PMS1: variants seen among roughly 807,000 people sequenced by gnomAD.
The protein encoded by PMS1 is PMS1 protein homolog 1.
In PMS1, 79 loss-of-function variants were observed where a neutral mutation model predicts 93.1. The observed-to-expected ratio is 0.85, with a 90% CI of 0.71 to 1.02. The LOEUF (loss-of-function observed/expected upper bound fraction) is 1.02. Ranked by LOEUF, PMS1 falls within the 50% of genes least tolerant of loss-of-function variation. PMS1 has a pLI of 0.00. For missense variants in PMS1, 1,064 were observed against 1,085.3 expected (o/e 0.98, Z 0.28); for synonymous variants, 335 against 363.4 (o/e 0.92, Z 0.89).
chr2:189,833,235 C>G (rs534237782), intron 5 of PMS1, among the ~76,000 whole-genome samples: 3 of 152,274 alleles, frequency 2.0e-5, no homozygotes, highest in Admixed American at 6.5e-5. Context: ...AAAGCTTGAG[C>G]TGGCTAGTAT....
chr2:189,829,136 C>G (rs933047235), intron 5 of PMS1, among the ~76,000 whole-genome samples: 12 of 152,156 alleles, frequency 7.9e-5, no homozygotes, highest in Non-Finnish European at 1.6e-4. Context: ...TTCATCCTCC[C>G]TTACTGTAGC....
At chr2:189,837,356 G>A (rs781396129) in intron 5 of PMS1, among the ~76,000 whole-genome samples, 59 of 151,850 alleles carry the variant, frequency 3.9e-4, no homozygotes, top group South Asian at 2.1e-4. Flanking sequence ...ATTGAACTCC[G>A]GACCTCAAGT....
chr2:189,819,242 T>C (rs2051604149), intron 5 of PMS1, among the ~76,000 whole-genome samples: 1 of 152,240 alleles, frequency 6.6e-6, no homozygotes, highest in Non-Finnish European at 1.5e-5. Context: ...GGTTGAATAG[T>C]ATTCCACTGT....
chr2:189,799,374 T>C (rs1340965620), intron 3 of PMS1, among the ~76,000 whole-genome samples: 1 of 152,172 alleles, frequency 6.6e-6, no homozygotes, highest in Admixed American at 6.5e-5. Flanking sequence ...CAATGAATTT[T>C]TACATATGTA....
intron 3 of PMS1, among the ~76,000 whole-genome samples, chr2:189,796,836 T>A (rs1485234444): frequency 6.6e-6 from 1 of 152,002 alleles, no homozygotes; most frequent in African/African-American, 2.4e-5. Context: ...TCTGTGAACA[T>A]TGGTGTACAA....
chr2:189,845,472 G>GT (rs568618660), intron 6 of PMS1, among the ~76,000 whole-genome samples: 145 of 150,986 alleles, frequency 9.6e-4, no homozygotes, highest in African/African-American at 3.3e-3. Context: ...ATTTTCAAAA[G>GT]TTTTTTTTTA....
Position 189,877,299 on chromosome 2 carries a change from T to C in PMS1, c.2662T>C (p.Leu888=), listed in dbSNP as rs370611400. 22 of 1,613,390 alleles carry C rather than the reference T, an allele frequency of 1.4e-5. No individual in the cohort carries two copies. Among genetic ancestry groups the C allele is most frequent in the Non-Finnish European group, 1.9e-5 (22 of 1,179,502 alleles). Residue 888 remains leucine (L), a synonymous_variant, in exon 13 of 13, where the codon TTA becomes CTA. Coordinates refer to ENST00000441310, the MANE Select transcript of PMS1 (RefSeq NM_000534.5). The stretch of plus-strand genomic sequence containing the variant: ...AGAAGCAGTGCGTCTATCCAGACAA[T>C]TACCCATGTACTTATCAAAAGAGGA... ...EGEAVRLSRQ[L]PMYLSKEDIQ... is the part of the protein sequence containing the mutation.
intron 4 of PMS1, 135 bp downstream of exon 4, chr2:189,805,889 A>C (rs775339469): frequency 6.5e-6 from 10 of 1,541,262 alleles, no homozygotes; most frequent in Non-Finnish European, 8.7e-6. Flanking sequence ...TTAACTTCCA[A>C]GTAAACATTC....
intron 1 of PMS1, among the ~76,000 whole-genome samples, chr2:189,791,166 A>T (rs1164010171): frequency 6.6e-6 from 1 of 151,950 alleles, no homozygotes; most frequent in Non-Finnish European, 1.5e-5. Flanking sequence ...ATGTATTCAT[A>T]TATTAGGTAT....
At chr2:189,802,135 T>C (rs1256027871) in intron 3 of PMS1, among the ~76,000 whole-genome samples, 1 of 152,188 alleles carries the variant, frequency 6.6e-6, no homozygotes, top group East Asian at 1.9e-4. Context: ...GGTTACAGTG[T>C]ACTGAATATT....
chr2:189,811,682 C>T (rs1413210758), intron 4 of PMS1, among the ~76,000 whole-genome samples: 1 of 152,002 alleles, frequency 6.6e-6, no homozygotes, highest in Admixed American at 6.6e-5. Flanking sequence ...GATACAAAGC[C>T]ACATACCAAA....
At chr2:189,869,635 G>A (rs7595425) in intron 11 of PMS1, among the ~76,000 whole-genome samples, 2,988 of 151,954 alleles carry the variant, frequency 0.02, 84 homozygotes, top group African/African-American at 0.068. Context: ...TGGCCAACAC[G>A]GCGAAATACT....
intron 6 of PMS1, among the ~76,000 whole-genome samples, chr2:189,849,867 C>CTTTTTTTT: frequency 8.4e-6 from 1 of 118,896 alleles, no homozygotes; most frequent in Non-Finnish European, 1.8e-5. Flanking sequence ...TATTTTTAAA[C>CTTTTTTTT]TTTTTTTTTT....
intron 5 of PMS1, among the ~76,000 whole-genome samples, chr2:189,819,545 T>TA (rs2051640050): frequency 1.3e-5 from 2 of 152,344 alleles, no homozygotes; most frequent in Admixed American, 6.5e-5. Flanking sequence ...CAACATCTGT[T>TA]ATTTTTCATC....
rs537157678 is a variant in PMS1, at chr2:189,850,314, A to G, written c.700-2341A>G. Among the ~76,000 whole-genome samples, 82 of 152,274 alleles carry G rather than the reference A, an allele frequency of 5.4e-4. 1 individual carries two copies. The highest frequency in any genetic ancestry group is 1.8e-3 in the African/African-American group (73 of 41,552). On this transcript the variant is annotated intron_variant, in intron 6 of 12. Transcript: ENST00000441310. ...TAGGAGACCAGCCAGGGTTACATCAATATAATCAGGGTTAAGAAGAGGAGA... is the reference window on the plus strand; with the variant it reads ...TAGGAGACCAGCCAGGGTTACATCAGTATAATCAGGGTTAAGAAGAGGAGA...
chr2:189,792,737 T>C (rs1469578196), intron 2 of PMS1, among the ~76,000 whole-genome samples: 1 of 142,718 alleles, frequency 7.0e-6, no homozygotes, highest in Non-Finnish European at 1.5e-5. Flanking sequence ...TAAAATCCCT[T>C]CTATAAATCA....
At chr2:189,820,470 A>AT (rs2106334169) in intron 5 of PMS1, among the ~76,000 whole-genome samples, 1 of 151,620 alleles carries the variant, frequency 6.6e-6, no homozygotes, top group East Asian at 1.9e-4. Context: ...GCTCATTTTT[A>AT]ATTTTTTTTG....
Position 189,877,586 on chromosome 2 carries a change from C to T in PMS1, c.*150C>T. ...ACTTGTTTTTATATTGAAAAAAGTT[C>T]CACGTATTGTAGAAAACGTAAATAA... On this transcript the variant is annotated 3_prime_UTR_variant, in exon 13 of 13. Transcript: ENST00000441310. 1.6e-6 allele frequency: 1 copy of T among 612,042 alleles called. No homozygotes were observed. The highest frequency in any genetic ancestry group is 2.9e-6 in the Non-Finnish European group (1 of 347,970). 37.9% of individuals were successfully genotyped at this position (612,042 alleles called of 1,614,324 possible). A position where few individuals can be genotyped will look rare whatever the true frequency, so the allele number is the denominator to read the frequency against.
chr2:189,853,825 G>A, intron 7 of PMS1, 114 bp from the exon 8 acceptor site: 1 of 679,038 alleles, frequency 1.5e-6, no homozygotes, highest in Admixed American at 2.6e-5. Context: ...TCATGATAAT[G>A]CTTTTCCTAA....
Sources: gnomAD v4.1 joint callset for allele counts (sites outside exome capture counted in the v4.1 genomes callset) on GRCh38, gnomAD v4.1.1 for gene constraint, MANE v1.5 for transcripts, NCBI Gene and HGNC (gene_info 2026-07-23, HGNC 2026-07-21) for gene names.